Variants in NXPH2 observed in about 807,000 individuals in gnomAD.
NXPH2 encodes neurexophilin-2.
NXPH2 carries 5 observed loss-of-function variants against 19.8 expected under a neutral mutation model. That is an observed-to-expected ratio of 0.25 (90% CI 0.13 to 0.53). NXPH2 has a LOEUF of 0.53. Ranked by LOEUF, NXPH2 falls within the 20% of genes least tolerant of loss-of-function variation. The pLI is 0.96. For missense variants in NXPH2, 289 were observed against 322.8 expected, an observed-to-expected ratio of 0.90 and a Z score of 0.80; for synonymous variants, 154 against 127.4, an observed-to-expected ratio of 1.21 and a Z score of -1.41.
At chr2:138,701,461 G>C (rs1415611648) in intron 1 of NXPH2, among the ~76,000 whole-genome samples, 1 of 152,182 alleles carries the variant, frequency 6.6e-6, no homozygotes, top group Non-Finnish European at 1.5e-5. Context: ...CTGGGGAAGA[G>C]CAGCCATATT....
intron 1 of NXPH2, among the ~76,000 whole-genome samples, chr2:138,755,854 T>C (rs1349715478): frequency 2.6e-5 from 4 of 151,972 alleles, no homozygotes; most frequent in Non-Finnish European, 5.9e-5. Flanking sequence ...CTTTCATCAG[T>C]GTCTTGTAGT....
At chr2:138,735,102 G>A (rs887372097) in intron 1 of NXPH2, among the ~76,000 whole-genome samples, 1 of 152,196 alleles carries the variant, frequency 6.6e-6, no homozygotes, top group South Asian at 2.1e-4. Flanking sequence ...GTTCTGGCAA[G>A]TCCATGACAA....
chr2:138,709,180 C>T (rs989906052), intron 1 of NXPH2, among the ~76,000 whole-genome samples: 5 of 152,092 alleles, frequency 3.3e-5, no homozygotes, highest in African/African-American at 4.8e-5. Context: ...TGGCTCCACT[C>T]GAGACGGTAC....
At chr2:138,712,850 C>T (rs561506203) in intron 1 of NXPH2, among the ~76,000 whole-genome samples, 13 of 152,170 alleles carry the variant, frequency 8.5e-5, no homozygotes, top group African/African-American at 1.9e-4. Context: ...ATGTCACACA[C>T]GGCCTAGCAC....
intron 1 of NXPH2, among the ~76,000 whole-genome samples, chr2:138,746,181 A>G (rs1283994114): frequency 6.6e-6 from 1 of 152,240 alleles, no homozygotes; most frequent in Non-Finnish European, 1.5e-5. Context: ...AGCACACCAA[A>G]TTCTCAATTT....
intron 1 of NXPH2, among the ~76,000 whole-genome samples, chr2:138,759,222 TC>T (rs1223763251): frequency 1.3e-5 from 2 of 152,202 alleles, no homozygotes; most frequent in Non-Finnish European, 2.9e-5. Flanking sequence ...TGTTTTAGTA[TC>T]CTTTATGAAG....
chr2:138,732,294 A>C (rs1468162621), intron 1 of NXPH2, among the ~76,000 whole-genome samples: 8 of 152,208 alleles, frequency 5.3e-5, no homozygotes, highest in Admixed American at 3.9e-4. Flanking sequence ...ATGGAAAGTC[A>C]TAGAGAAGAG....
At chr2:138,744,086 C>T (rs1194309918) in intron 1 of NXPH2, among the ~76,000 whole-genome samples, 1 of 150,854 alleles carries the variant, frequency 6.6e-6, no homozygotes, top group Middle Eastern at 3.5e-3. Context: ...ATATCCTACT[C>T]TCTTACTCGC....
intron 1 of NXPH2, among the ~76,000 whole-genome samples, chr2:138,699,833 T>G (rs1336631115): frequency 6.6e-6 from 1 of 152,204 alleles, no homozygotes; most frequent in Non-Finnish European, 1.5e-5. Flanking sequence ...ATAGCAATCT[T>G]TAATTCAAAA....
intron 1 of NXPH2, among the ~76,000 whole-genome samples, chr2:138,728,345 C>T (rs960160497): frequency 3.3e-5 from 5 of 152,174 alleles, no homozygotes; most frequent in African/African-American, 4.8e-5. Flanking sequence ...TGAGAAAATA[C>T]ATTTTTGTTT....
chr2:138,736,421 G>A (rs946413026), intron 1 of NXPH2, among the ~76,000 whole-genome samples: 3 of 152,206 alleles, frequency 2.0e-5, no homozygotes, highest in Admixed American at 2.0e-4. Flanking sequence ...AACCTCTGAA[G>A]CCATGGTCCA....
intron 1 of NXPH2, among the ~76,000 whole-genome samples, chr2:138,708,277 T>C: frequency 6.6e-6 from 1 of 152,186 alleles, no homozygotes; most frequent in African/African-American, 2.4e-5. Context: ...CACAACTATC[T>C]CCCCGGCCAT....
In NXPH2 at chr2:138,756,356, C is replaced by T. The variant is rs78134529; in HGVS notation, c.51+23835G>A. ...ATTTCTTGCAGAAACCACACTTACTCTAAGATTTTTCAGCACCAATTATTT... is the reference window on the plus strand; with the variant it reads ...ATTTCTTGCAGAAACCACACTTACTTTAAGATTTTTCAGCACCAATTATTT... On this transcript the variant is annotated intron_variant, in intron 1 of 1. Transcript: ENST00000272641. 5.5e-3 allele frequency among the ~76,000 whole-genome samples: 828 copies of T among 151,780 alleles called. 7 individuals are homozygous for T. Among genetic ancestry groups the T allele is most frequent in the African/African-American group, 0.019 (784 of 41,396 alleles).
Position 138,731,245 on chromosome 2 carries a change from T to C in NXPH2, c.51+48946A>G, listed in dbSNP as rs148744132. Among the ~76,000 whole-genome samples, 298 of 152,300 alleles carry C rather than the reference T, an allele frequency of 2.0e-3. 7 individuals are homozygous for C. The South Asian group carries it at 0.052, about 27-fold the overall frequency. On this transcript the variant is annotated intron_variant, in intron 1 of 1. Coordinates refer to ENST00000272641, the MANE Select transcript of NXPH2 (RefSeq NM_007226.3). The stretch of plus-strand genomic sequence containing the variant: ...AAGAGGCTGTGGAATATCTGTTGAA[T>C]AAATAAATGACTATGAGTTCAGTAT...
chr2:138,698,027 C>G (rs2104980127), intron 1 of NXPH2, among the ~76,000 whole-genome samples: 1 of 152,182 alleles, frequency 6.6e-6, no homozygotes, highest in South Asian at 2.1e-4. Context: ...CCTTAAAGTT[C>G]TTCACTCTTT....
intron 1 of NXPH2, among the ~76,000 whole-genome samples, chr2:138,706,195 T>A (rs1462143580): frequency 6.6e-6 from 1 of 152,232 alleles, no homozygotes; most frequent in Non-Finnish European, 1.5e-5. Context: ...GTGCCTGTTA[T>A]CTCATTTAGA....
chr2:138,703,202 T>C (rs1680958019), intron 1 of NXPH2, among the ~76,000 whole-genome samples: 1 of 152,150 alleles, frequency 6.6e-6, no homozygotes, highest in African/African-American at 2.4e-5. Flanking sequence ...TGCAGGGAAA[T>C]AAAAATTCAA....
At position 138,687,427 on chromosome 2, in the gene NXPH2, T is replaced by C. The variant is rs369911817; in HGVS notation, c.52-15762A>G. On this transcript the variant is annotated intron_variant, in intron 1 of 1. Coordinates refer to ENST00000272641, the MANE Select transcript of NXPH2 (RefSeq NM_007226.3). Reference sequence around the variant, plus strand: ...TTTTTTTCTTGTAAATTTGTTTGAGTTCTTTGTAGATTCTGGATATTAGCC... The same window carrying C: ...TTTTTTTCTTGTAAATTTGTTTGAGCTCTTTGTAGATTCTGGATATTAGCC... Among the ~76,000 whole-genome samples, 27 of 152,296 alleles carry C rather than the reference T, an allele frequency of 1.8e-4. No individual in the cohort carries two copies. In the East Asian group the frequency reaches 5.0e-3, roughly 28 times the overall value.
intron 1 of NXPH2, among the ~76,000 whole-genome samples, chr2:138,773,244 G>A (rs1186456353): frequency 6.6e-6 from 1 of 152,222 alleles, no homozygotes; most frequent in Non-Finnish European, 1.5e-5. Flanking sequence ...CAACACAGGA[G>A]CAACAGGTAA....
Sources: allele counts gnomAD v4.1 joint callset (sites outside exome capture counted in the v4.1 genomes callset), GRCh38; gene constraint gnomAD v4.1.1; transcripts MANE v1.5; gene names NCBI Gene and HGNC (gene_info 2026-07-23, HGNC 2026-07-21).